Variants in MAOB observed in about 807,000 individuals in gnomAD.
MAOB encodes amine oxidase [flavin-containing] B.
MAOB carries 15 observed loss-of-function variants against 41.9 expected under a neutral mutation model. The observed-to-expected ratio is 0.36, with a 90% CI of 0.24 to 0.55. The LOEUF is 0.55. Among genes scored for constraint, MAOB ranks in the 20% least tolerant of loss-of-function variants. The probability of loss-of-function intolerance (pLI) is 0.86; values close to 1 mark genes in which losing one functional copy is unlikely to be tolerated. For synonymous variants in MAOB, 167 were observed against 144.2 expected, an observed-to-expected ratio of 1.16 and a Z score of -1.13; for missense variants, 345 against 398.7, an observed-to-expected ratio of 0.87 and a Z score of 1.15.
rs2034763331 is a variant in MAOB, at chrX:43,812,670, A to T, written c.280-9266T>A. Among the ~76,000 whole-genome samples the T allele has an allele frequency of 3.6e-5, 4 of 112,455 alleles. No homozygotes were observed. In the South Asian group the frequency reaches 1.4e-3, roughly 41 times the overall value. On this transcript the variant is annotated intron_variant, in intron 3 of 14. Coordinates refer to ENST00000378069, the MANE Select transcript of MAOB (RefSeq NM_000898.5). ...ATTAAAATGTTTTGTCCATTTTTTG[A>T]TCAGATAATTATTAGATTTTTTTCT...
intron 3 of MAOB, among the ~76,000 whole-genome samples, chrX:43,812,090 T>C (rs964478542): frequency 1.8e-5 from 2 of 112,235 alleles, no homozygotes; most frequent in Admixed American, 9.4e-5. Flanking sequence ...AGTGAGAACA[T>C]GTGATGTTTG....
At chrX:43,865,937 A>C (rs932594165) in intron 1 of MAOB, among the ~76,000 whole-genome samples, 1 of 110,838 alleles carries the variant, frequency 9.0e-6, no homozygotes, top group Non-Finnish European at 1.9e-5. Flanking sequence ...GAGAACTAGG[A>C]AGACTACACG....
At chrX:43,845,467 G>A (rs912822614) in intron 1 of MAOB, among the ~76,000 whole-genome samples, 3 of 111,811 alleles carry the variant, frequency 2.7e-5, no homozygotes, top group African/African-American at 6.5e-5. Flanking sequence ...GAACTTCTAC[G>A]ACCCCATGAG....
At chrX:43,793,330 T>TAA in intron 8 of MAOB, 89 bp downstream of exon 8, 1 of 710,107 alleles carries the variant, frequency 1.4e-6, no homozygotes, top group Non-Finnish European at 2.1e-6. Context: ...GAATCTAAAA[T>TAA]AAAAGTTGAC....
intron 3 of MAOB, among the ~76,000 whole-genome samples, chrX:43,810,606 A>T (rs1393084520): frequency 4.5e-5 from 5 of 111,453 alleles, no homozygotes; most frequent in Admixed American, 9.5e-5. Context: ...ATAATAATAA[A>T]AAAAAGAATG....
chrX:43,882,128 C>G, intron 1 of MAOB, 126 bp downstream of exon 1: 1 of 1,085,677 alleles, frequency 9.2e-7, no homozygotes, highest in African/African-American at 1.9e-5. Flanking sequence ...TAGAGCCCTG[C>G]CCGTGCGTGG....
chrX:43,777,028 GT>G (rs1194042489), intron 11 of MAOB, among the ~76,000 whole-genome samples: 2 of 110,551 alleles, frequency 1.8e-5, no homozygotes, highest in East Asian at 5.7e-4. Flanking sequence ...ATTTGGGTTG[GT>G]TTCAAGTCTT....
rs17856663 is a variant in MAOB, at chrX:43,843,698, C to T, written c.113G>A (p.Arg38His). The change falls in exon 2 of 15, where the codon CGT (arginine) becomes CAT (histidine). Residue 38 changes from arginine to histidine, a missense_variant. Transcript: ENST00000378069. ...LNVVVLEARD[R>H]VGGRTYTLRN... ...AAGAGTGTAAGTCCTGCCTCCCACACGGTCCCGGGCTTCCAGAACAACCAC... is the reference window on the plus strand; with the variant it reads ...AAGAGTGTAAGTCCTGCCTCCCACATGGTCCCGGGCTTCCAGAACAACCAC... The T allele has an allele frequency of 9.1e-6, 11 of 1,210,442 alleles. No homozygotes were observed. Among genetic ancestry groups the T allele is most frequent in the Non-Finnish European group, 1.2e-5 (11 of 894,894 alleles).
At chrX:43,789,507 A>C (rs1458022212) in intron 8 of MAOB, among the ~76,000 whole-genome samples, 1 of 112,387 alleles carries the variant, frequency 8.9e-6, no homozygotes, top group Admixed American at 9.5e-5. Flanking sequence ...TGGTTCATAG[A>C]TGAACAAAAG....
intron 2 of MAOB, among the ~76,000 whole-genome samples, chrX:43,840,675 G>A (rs946021481): frequency 1.8e-5 from 2 of 110,640 alleles, no homozygotes; most frequent in African/African-American, 6.6e-5. Context: ...CCTTACCTGG[G>A]AAGTGCAAGG....
intron 1 of MAOB, among the ~76,000 whole-genome samples, chrX:43,871,015 G>A (rs113299518): frequency 0.018 from 2,002 of 110,507 alleles, 68 homozygotes; most frequent in African/African-American, 0.061. Context: ...AAGCTTTATC[G>A]GGGTTCAACA....
At chrX:43,833,905 A>G (rs1347374199) in intron 3 of MAOB, among the ~76,000 whole-genome samples, 2 of 112,296 alleles carry the variant, frequency 1.8e-5, no homozygotes, top group African/African-American at 6.5e-5. Flanking sequence ...ATTACATGCC[A>G]AAGATCTGCC....
chrX:43,847,511 A>G (rs1248650837), intron 1 of MAOB, among the ~76,000 whole-genome samples: 1 of 111,602 alleles, frequency 9.0e-6, no homozygotes, highest in African/African-American at 3.3e-5. Flanking sequence ...ATGGCAGCTT[A>G]GAGACATTCA....
chrX:43,771,633 C>CT (rs35762562), intron 12 of MAOB, among the ~76,000 whole-genome samples: 5,713 of 110,378 alleles, frequency 0.052, 261 homozygotes, highest in South Asian at 0.17. Flanking sequence ...TACATGTTTA[C>CT]TTTTTTTTCA....
Position 43,882,418 on chromosome X carries a change from C to G in MAOB, c.-119G>C. 1.9e-6 allele frequency: 2 copies of G among 1,052,444 alleles called. No homozygotes were observed. The highest frequency in any genetic ancestry group is 3.0e-4 in the Middle Eastern group (1 of 3,377). 86.7% of individuals were successfully genotyped at this position (1,052,444 alleles called of 1,213,427 possible). ...CCCGCCGGCCTGCTGCGCGCTGCCC[C>G]CGTGCACCAGCGCCTCGGCGAGCCG... On this transcript the variant is annotated 5_prime_UTR_variant, in exon 1 of 15. Transcript: ENST00000378069.
chrX:43,793,475 A>G lies in MAOB; in HGVS notation c.872T>C (p.Leu291Ser). ...AACTATACACTTGATGACTGAACCC[A>G]AAGGCACACGAGTGATCATCTGGTT... is the stretch of plus-strand genomic sequence containing the variant. ...MRNQMITRVP[L>S]GSVIKCIVYY... Residue 291 changes from leucine to serine, a missense_variant, in exon 8 of 15, where the codon TTG (leucine) becomes TCG (serine). Transcript: ENST00000378069. 1 of 1,205,710 alleles carries G rather than the reference A, an allele frequency of 8.3e-7. No homozygotes were observed. The highest frequency in any genetic ancestry group is 1.7e-5 in the African/African-American group (1 of 57,660).
chrX:43,788,402 A>G (rs770373783), intron 8 of MAOB, among the ~76,000 whole-genome samples: 94 of 111,978 alleles, frequency 8.4e-4, no homozygotes, highest in African/African-American at 2.7e-3. Context: ...TCAACTGACA[A>G]GGATGTGAGA....
intron 8 of MAOB, among the ~76,000 whole-genome samples, chrX:43,788,680 C>T (rs2034429209): frequency 9.0e-6 from 1 of 111,373 alleles, no homozygotes; most frequent in African/African-American, 3.3e-5. Context: ...TTTAAATGTA[C>T]TGCTATGGAG....
At chrX:43,805,338 C>T (rs2034649283) in intron 3 of MAOB, among the ~76,000 whole-genome samples, 1 of 111,600 alleles carries the variant, frequency 9.0e-6, no homozygotes, top group Admixed American at 9.6e-5. Context: ...AATAATTTAA[C>T]ATGCAATTTG....
Sources: gnomAD v4.1 joint callset for allele counts (sites outside exome capture counted in the v4.1 genomes callset) on GRCh38, gnomAD v4.1.1 for gene constraint, MANE v1.5 for transcripts, NCBI Gene and HGNC (gene_info 2026-07-23, HGNC 2026-07-21) for gene names.